Variants in EIF4E3 observed in about 807,000 individuals in gnomAD.
The protein encoded by EIF4E3 is eukaryotic translation initiation factor 4E type 3.
In EIF4E3, 26 loss-of-function variants were observed where a neutral mutation model predicts 31.7. The observed-to-expected ratio is 0.82, with a 90% CI of 0.60 to 1.14. EIF4E3 has a LOEUF of 1.14. EIF4E3 is among the 50% of genes most tolerant of loss of function. EIF4E3 has a pLI of 0.00. For synonymous variants in EIF4E3, 128 were observed against 107.7 expected, an observed-to-expected ratio of 1.19 and a Z score of -1.17; for missense variants, 304 against 270.9, an observed-to-expected ratio of 1.12 and a Z score of -0.86.
At chr3:71,659,935 G>A in the EIF4E3 span, among the ~76,000 whole-genome samples, 1 of 152,144 alleles carries the variant, frequency 6.6e-6, no homozygotes, top group Non-Finnish European at 1.5e-5. Context: ...AGTAATCTAG[G>A]ACTTTGCTAT....
At chr3:71,730,753 C>CAAA (rs1178051978) in intron 1 of EIF4E3, among the ~76,000 whole-genome samples, 1 of 151,884 alleles carries the variant, frequency 6.6e-6, no homozygotes, top group Non-Finnish European at 1.5e-5. Flanking sequence ...TTTTTTGAGA[C>CAAA]AGAGTCTTGC....
Position 71,682,900 on chromosome 3 carries a change from A to G in EIF4E3, c.*1782T>C, listed in dbSNP as rs2048940385. The G allele has an allele frequency of 6.6e-6, 1 of 152,518 alleles. No homozygotes were observed. Among genetic ancestry groups the G allele is most frequent in the South Asian group, 2.1e-4 (1 of 4,826 alleles). The allele number at this position is 152,518 out of a possible 1,614,324, so 9.4% of individuals were successfully genotyped here. ...TGAAGTCAATTATATCCTTTTTTCA[A>G]TCAGAAAAATACTTATATTATAAAA... On this transcript the variant is annotated 3_prime_UTR_variant, in exon 7 of 7. Coordinates refer to ENST00000425534, the MANE Select transcript of EIF4E3 (RefSeq NM_001134651.2).
At chr3:71,732,558 T>C (rs1324942540) in intron 1 of EIF4E3, among the ~76,000 whole-genome samples, 1 of 152,230 alleles carries the variant, frequency 6.6e-6, no homozygotes, top group Non-Finnish European at 1.5e-5. Flanking sequence ...CACAGATTAT[T>C]ACCAGTGATT....
At chr3:71,724,350 G>T (rs2049595400) in intron 1 of EIF4E3, among the ~76,000 whole-genome samples, 1 of 152,226 alleles carries the variant, frequency 6.6e-6, no homozygotes, top group African/African-American at 2.4e-5. Flanking sequence ...GGGAGGTGTT[G>T]AGGAGCTGGG....
chr3:71,700,195 CACA>C (rs982516591), intron 2 of EIF4E3, among the ~76,000 whole-genome samples: 1 of 152,020 alleles, frequency 6.6e-6, no homozygotes. Context: ...AAAACAAAAA[CACA>C]ACAACAAGAA....
At position 71,679,156 on chromosome 3, in the gene EIF4E3, A is replaced by T. The variant is rs918319133; in HGVS notation, c.*5526T>A. ...TGTTCAAAGTCCTTTAATATTCACC[A>T]TTCATCATGTAATGTAAAGTGCTAA... On this transcript the variant is annotated 3_prime_UTR_variant, in exon 7 of 7. Transcript: ENST00000425534. 6.6e-6 allele frequency: 1 copy of T among 152,180 alleles called. No homozygotes were observed. Among genetic ancestry groups the T allele is most frequent in the Non-Finnish European group, 1.5e-5 (1 of 68,016 alleles). The allele number at this position is 152,180 out of a possible 1,614,324, so 9.4% of individuals were successfully genotyped here.
At chr3:71,739,317 GAAACAA>G (rs2049796490) in intron 1 of EIF4E3, among the ~76,000 whole-genome samples, 1 of 151,798 alleles carries the variant, frequency 6.6e-6, no homozygotes, top group South Asian at 2.1e-4. Context: ...GAAAATCAGT[GAAACAA>G]AAACAAAAAG....
chr3:71,716,563 C>T (rs1007539516), intron 1 of EIF4E3, among the ~76,000 whole-genome samples: 6 of 152,204 alleles, frequency 3.9e-5, no homozygotes, highest in Admixed American at 3.3e-4. Flanking sequence ...TCCAGAAATG[C>T]TGGGCCCCCA....
intron 1 of EIF4E3, among the ~76,000 whole-genome samples, chr3:71,724,598 T>C (rs189667883): frequency 3.3e-5 from 5 of 152,292 alleles, no homozygotes. Context: ...CTCCAGCGCA[T>C]AGCAGGTGTG....
chr3:71,659,757 C>T, the EIF4E3 span, among the ~76,000 whole-genome samples: 1 of 152,182 alleles, frequency 6.6e-6, no homozygotes, highest in Non-Finnish European at 1.5e-5. Flanking sequence ...CTTCTGATTC[C>T]ACATCCTGCT....
chr3:71,696,415 A>G lies in EIF4E3; in HGVS notation c.405+45T>C, dbSNP rs781517526. ...AAATGCTGATGACAGGCAGTCAACAACTCCAAGCCTCGCCGGTTCTAGAAG... is the reference window on the plus strand; with the variant it reads ...AAATGCTGATGACAGGCAGTCAACAGCTCCAAGCCTCGCCGGTTCTAGAAG... On this transcript the variant is annotated intron_variant, in intron 4 of 6. Transcript: ENST00000425534. 5.0e-6 allele frequency: 8 copies of G among 1,608,544 alleles called. No homozygotes were observed. The African/African-American group carries it at 8.1e-5, about 16-fold the overall frequency.
At chr3:71,731,059 C>T (rs1424792002) in intron 1 of EIF4E3, among the ~76,000 whole-genome samples, 1 of 152,172 alleles carries the variant, frequency 6.6e-6, no homozygotes, top group East Asian at 1.9e-4. Flanking sequence ...GTGCCAGCCA[C>T]TCCCAGTCCT....
At chr3:71,674,969 GCTTT>G (rs1247089316), downstream of EIF4E3, among the ~76,000 whole-genome samples, 8 of 152,290 alleles carry the variant, frequency 5.3e-5, 1 homozygote, top group East Asian at 7.7e-4. Context: ...GCGTCAGTTT[GCTTT>G]CTTTCTGATT....
intron 1 of EIF4E3, among the ~76,000 whole-genome samples, chr3:71,735,483 C>G (rs2049753248): frequency 6.6e-6 from 1 of 152,122 alleles, no homozygotes; most frequent in Admixed American, 6.5e-5. Flanking sequence ...ATGATCCAGG[C>G]CAGAGCAGTT....
chr3:71,720,014 AAT>A (rs556321292), intron 1 of EIF4E3, among the ~76,000 whole-genome samples: 1 of 151,134 alleles, frequency 6.6e-6, no homozygotes, highest in African/African-American at 2.4e-5. Context: ...CCTGTCTCAA[AAT>A]ATATATATAT....
chr3:71,691,555 T>C (rs1189154907), intron 5 of EIF4E3, among the ~76,000 whole-genome samples: 1 of 152,122 alleles, frequency 6.6e-6, no homozygotes, highest in East Asian at 1.9e-4. Context: ...GAGGTTACCT[T>C]TGAAGGAAGG....
the EIF4E3 span, among the ~76,000 whole-genome samples, chr3:71,659,747 C>A: frequency 6.6e-6 from 1 of 152,244 alleles, no homozygotes; most frequent in African/African-American, 2.4e-5. Flanking sequence ...TACCCACAGT[C>A]TTCTGATTCC....
chr3:71,663,629 A>G, the EIF4E3 span, among the ~76,000 whole-genome samples: 1 of 152,214 alleles, frequency 6.6e-6, no homozygotes, highest in African/African-American at 2.4e-5. Flanking sequence ...GAGGACCCCC[A>G]TCTGCAGGAC....
rs56982495 is a variant in EIF4E3, at chr3:71,738,978, G to GTATATATATATATATA, written c.-290-10371_-290-10356dup. Among the ~76,000 whole-genome samples the GTATATATATATATATA allele has an allele frequency of 1.9e-3, 180 of 95,754 alleles. 2 individuals are homozygous for GTATATATATATATATA. The highest frequency in any genetic ancestry group is 4.2e-3 in the African/African-American group (82 of 19,730). 62.8% of individuals were successfully genotyped at this position (95,754 alleles called of 152,430 possible). A position where few individuals can be genotyped will look rare whatever the true frequency, so the allele number is the denominator to read the frequency against. The stretch of plus-strand genomic sequence containing the variant: ...TTTCCAAATGCCTGAAAATTGAACA[G>GTATATATATATATATA]TATATATATATATATATATATATAT... On this transcript the variant is annotated intron_variant, in intron 1 of 7. Coordinates refer to the EIF4E3 transcript ENST00000295612.
Sources: gnomAD v4.1 joint callset for allele counts (sites outside exome capture counted in the v4.1 genomes callset) on GRCh38, gnomAD v4.1.1 for gene constraint, MANE v1.5 for transcripts, NCBI Gene and HGNC (gene_info 2026-07-23, HGNC 2026-07-21) for gene names.